The following CRYBG2 variants were observed in gnomAD, a reference collection of about 807,000 sequenced individuals.
CRYBG2 encodes beta/gamma crystallin domain-containing protein 2.
A neutral mutation model predicts 153.4 loss-of-function variants in CRYBG2; 106 were observed. The observed-to-expected ratio is 0.69, with a 90% CI of 0.59 to 0.81. CRYBG2 has a LOEUF of 0.81. CRYBG2 is among the 30% of genes least tolerant of loss of function. CRYBG2 has a pLI of 0.00. For missense variants in CRYBG2, 1,996 were observed against 2,112.0 expected (o/e 0.95, Z 1.08); for synonymous variants, 851 against 877.8 (o/e 0.97, Z 0.54).
Position 26,336,855 on chromosome 1 carries a change from G to T in CRYBG2, c.3897C>A (p.His1299Gln). Residue 1299 changes from histidine to glutamine, a missense_variant, in exon 11 of 20, where the codon CAC (histidine) becomes CAA (glutamine). His to Gln is a conservative substitution (Grantham distance 24, BLOSUM62 0). Transcript: ENST00000308182. The surrounding 1 kb of genome is among the most constrained non-coding windows in gnomAD (Gnocchi z 4.9). Reference sequence around the variant, plus strand: ...GGGTCACTTACACGCCGCTGAGCACGTGGATGGCCTGTGTGCTGGGGCCGT... The same window carrying T: ...GGGTCACTTACACGCCGCTGAGCACTTGGATGGCCTGTGTGCTGGGGCCGT... Reference protein sequence around the residue: ...VQHGPSTQAIHVLSGVWVAYQ... With the variant: ...VQHGPSTQAIQVLSGVWVAYQ... 1 of 1,600,894 alleles carries T rather than the reference G, an allele frequency of 6.2e-7. No individual in the cohort carries two copies.
In CRYBG2 at chr1:26,337,948, G is replaced by A. The variant is rs964130834; in HGVS notation, c.3507+64C>T. On this transcript the variant is annotated intron_variant, in intron 8 of 19. Coordinates refer to ENST00000308182, the MANE Select transcript of CRYBG2 (RefSeq NM_001039775.4). ...TCTCTGGATTTCCTGTCCAGACCAC[G>A]ATAACCAAACACCTGCACCCCGCCA... 34 of 1,579,234 alleles carry A rather than the reference G, an allele frequency of 2.2e-5. No homozygotes were observed. The African/African-American group carries it at 2.6e-4, about 12-fold the overall frequency.
At chr1:26,326,726 G>A (rs1311046193) in intron 17 of CRYBG2, 17 of 357,912 alleles carry the variant, frequency 4.7e-5, no homozygotes, top group Admixed American at 9.2e-5. Flanking sequence ...GCTTTCCTAC[G>A]GTACAGCCTC....
chr1:26,332,171 G>T (rs1239516713), intron 14 of CRYBG2, among the ~76,000 whole-genome samples: 1 of 151,938 alleles, frequency 6.6e-6, no homozygotes, highest in African/African-American at 2.4e-5. Flanking sequence ...GCCAGGCGTG[G>T]TGGCGGGCAC....
At position 26,345,136 on chromosome 1, in the gene CRYBG2, A is replaced by G; in HGVS notation, c.1522T>C (p.Ser508Pro). 8.9e-7 allele frequency: 1 copy of G among 1,122,008 alleles called. No individual in the cohort carries two copies. Among genetic ancestry groups the G allele is most frequent in the Non-Finnish European group, 1.2e-6 (1 of 828,014 alleles). The allele number at this position is 1,122,008 out of a possible 1,614,324, so 69.5% of individuals were successfully genotyped here. Residue 508 changes from serine to proline, a missense_variant, in exon 2 of 20, where the codon TCT becomes CCT. Physicochemically the swap from Ser to Pro is moderately conservative, Grantham distance 74. Transcript: ENST00000308182. Reference protein sequence around the residue: ...VKGPGAPAASSPTQKEVVQGS... With the variant: ...VKGPGAPAASPPTQKEVVQGS... ...TGCACCACCTCCTTCTGGGTGGGAG[A>G]TGAGGCAGCAGGAGCACCAGGGCCC...
chr1:26,336,923 C>G lies in CRYBG2; in HGVS notation c.3829G>C (p.Val1277Leu). ...FEAMDFEGHG[V>L]EVSKALPDVE... is the part of the protein sequence containing the mutation. ...TCCGGCAATGCCTTGCTCACCTCCA[C>G]GCCGTGCCCCTCGAAGTCCATGGCC... is the stretch of plus-strand genomic sequence containing the variant. The change falls in exon 11 of 20, where the codon GTG (valine) becomes CTG (leucine). Residue 1277 changes from valine (V) to leucine (L), a missense_variant. Physicochemically the swap from Val to Leu is conservative, Grantham distance 32. Transcript: ENST00000308182. This position sits in a 1 kb window ranked among gnomAD's most constrained non-coding sequence, Gnocchi z 4.9. 6.2e-7 allele frequency: 1 copy of G among 1,613,036 alleles called. No individual in the cohort carries two copies. Among genetic ancestry groups the G allele is most frequent in the Non-Finnish European group, 8.5e-7 (1 of 1,179,634 alleles).
At chr1:26,351,289 G>T (rs1045779852) in intron 1 of CRYBG2, among the ~76,000 whole-genome samples, 10 of 152,106 alleles carry the variant, frequency 6.6e-5, no homozygotes, top group Non-Finnish European at 8.8e-5. Context: ...TGACGCCCTC[G>T]CTGAGCACCT....
In CRYBG2 at chr1:26,344,554, G is replaced by C. The variant is rs944349431; in HGVS notation, c.2104C>G (p.Pro702Ala). 11 of 1,542,782 alleles carry C rather than the reference G, an allele frequency of 7.1e-6. No homozygotes were observed. The highest frequency in any genetic ancestry group is 2.0e-5 in the Admixed American group (1 of 50,978). Reference protein sequence around the residue: ...SLTQKEVVQDPDALPAPSSSV... With the variant: ...SLTQKEVVQDADALPAPSSSV... Reference sequence around the variant, plus strand: ...GAAGATGGGGCAGGGAGAGCATCAGGGTCCTGCACAACCTCTTTCTGGGTG... The same window carrying C: ...GAAGATGGGGCAGGGAGAGCATCAGCGTCCTGCACAACCTCTTTCTGGGTG... Residue 702 changes from proline (P) to alanine (A), a missense_variant, in exon 2 of 20, where the codon CCT becomes GCT. Coordinates refer to ENST00000308182, the MANE Select transcript of CRYBG2 (RefSeq NM_001039775.4).
At chr1:26,326,790 C>T (rs2073931990) in intron 17 of CRYBG2, 2 of 511,054 alleles carry the variant, frequency 3.9e-6, no homozygotes, top group African/African-American at 1.9e-5. Flanking sequence ...GACCTCTATA[C>T]CTACAAAGTT....
chr1:26,346,076 G>C lies in CRYBG2; in HGVS notation c.582C>G (p.Ser194Arg). Residue 194 changes from serine to arginine, a missense_variant, in exon 2 of 20, where the codon AGC (serine) becomes AGG (arginine). Physicochemically the swap from Ser to Arg is moderately radical, Grantham distance 110 (BLOSUM62 -1). Transcript: ENST00000308182. The surrounding 1 kb of genome is among the most constrained non-coding windows in gnomAD (Gnocchi z 4.9). ...AGGACACTGGCCTCACAGTCACAGA[G>C]CTGCTCATCCGCCGGTCCACATGAC... ...VGGHVDRRMSSSVTVRPVSSG... is the reference protein window; with the variant it reads ...VGGHVDRRMSRSVTVRPVSSG... 1 of 1,583,204 alleles carries C rather than the reference G, an allele frequency of 6.3e-7. No homozygotes were observed. The highest frequency in any genetic ancestry group is 1.1e-5 in the South Asian group (1 of 89,656).
intron 17 of CRYBG2, among the ~76,000 whole-genome samples, chr1:26,327,581 G>A (rs561479179): frequency 7.9e-4 from 120 of 151,726 alleles, no homozygotes; most frequent in Non-Finnish European, 1.3e-3. Flanking sequence ...TCTGGGAAGC[G>A]GAGGTTGCAG....
At position 26,346,147 on chromosome 1, in the gene CRYBG2, C is replaced by A; in HGVS notation, c.511G>T (p.Glu171Ter). ...LTSGSSRSLEEYRVTRTVRTT... is the reference protein window; with the variant it reads ...LTSGSSRSLE ...CGCACAGTGCGTGTCACTCGGTATTCCTCGAGGCTCCGGGAGCTACCACTG... is the reference window on the plus strand; with the variant it reads ...CGCACAGTGCGTGTCACTCGGTATTACTCGAGGCTCCGGGAGCTACCACTG... Residue 171 changes from glutamate (E) to a stop codon, truncating the protein, a stop_gained, in exon 2 of 20, where the codon GAA becomes TAA. Coordinates refer to ENST00000308182, the MANE Select transcript of CRYBG2 (RefSeq NM_001039775.4). LOFTEE classifies it high-confidence loss of function. This position sits in a 1 kb window ranked among gnomAD's most constrained non-coding sequence, Gnocchi z 4.9. 1 of 1,557,720 alleles carries A rather than the reference C, an allele frequency of 6.4e-7. No individual in the cohort carries two copies.
chr1:26,346,527 C>T lies in CRYBG2; in HGVS notation c.131G>A (p.Gly44Glu), dbSNP rs771558292. 1.2e-6 allele frequency: 2 copies of T among 1,613,402 alleles called. No individual in the cohort carries two copies. Among genetic ancestry groups the T allele is most frequent in the Admixed American group, 3.3e-5 (2 of 59,954 alleles). Residue 44 changes from glycine to glutamate, a missense_variant, in exon 2 of 20, where the codon GGG becomes GAG. By Grantham distance (98) the Gly-to-Glu change is moderately conservative (BLOSUM62 -2). Coordinates refer to ENST00000308182, the MANE Select transcript of CRYBG2 (RefSeq NM_001039775.4). The surrounding 1 kb of genome is among the most constrained non-coding windows in gnomAD (Gnocchi z 4.9). ...CTTCTGCGGGGCTTCCATCTGGGCC[C>T]CTGACACCAGGGACACCTTGTGAAA... The part of the protein sequence containing the change: ...HGFHKVSLVS[G>E]AQMEAPQKEM...
intron 5 of CRYBG2, among the ~76,000 whole-genome samples, chr1:26,340,964 A>G (rs1314030255): frequency 6.6e-6 from 1 of 151,928 alleles, no homozygotes; most frequent in African/African-American, 2.4e-5. Flanking sequence ...CCACTGTCCT[A>G]GTTAAGCCTA....
chr1:26,349,980 A>C (rs1444032265), intron 1 of CRYBG2, among the ~76,000 whole-genome samples: 2 of 151,586 alleles, frequency 1.3e-5, no homozygotes, highest in Non-Finnish European at 2.9e-5. Flanking sequence ...ATGCCTGGCT[A>C]ATTTTTGTAT....
chr1:26,328,833 C>G lies in CRYBG2; in HGVS notation c.4355G>C (p.Cys1452Ser), dbSNP rs142220577. 1 of 1,613,996 alleles carries G rather than the reference C, an allele frequency of 6.2e-7. No individual in the cohort carries two copies. Among genetic ancestry groups the G allele is most frequent in the African/African-American group, 1.3e-5 (1 of 74,900 alleles). The change falls in exon 16 of 20, where the codon TGC (cysteine) becomes TCC (serine). Residue 1452 changes from cysteine to serine, a missense_variant. By Grantham distance (112) the Cys-to-Ser change is moderately radical (BLOSUM62 -1). Coordinates refer to ENST00000308182, the MANE Select transcript of CRYBG2 (RefSeq NM_001039775.4). The part of the protein sequence containing the change: ...EPSIFLYGLE[C>S]FEGKEIELSR... ...GAGCTCGATCTCCTTCCCCTCGAAG[C>G]ACTCGAGTCCATACAGGAAAATGGA...
intron 14 of CRYBG2, among the ~76,000 whole-genome samples, chr1:26,333,045 A>AAAAAAAAAAAAAATC (rs2074016334): frequency 1.4e-5 from 2 of 138,736 alleles, no homozygotes; most frequent in African/African-American, 2.8e-5. Flanking sequence ...AAAAAAAAAA[A>AAAAAAAAAAAAAATC]AGATTTCTAA....
At position 26,343,272 on chromosome 1, in the gene CRYBG2, C is replaced by A. The variant is rs921884136; in HGVS notation, c.2935G>T (p.Gly979Cys). ...EGWSPALKTQ[G>C]KLNTRPGKVI... Reference sequence around the variant, plus strand: ...TTTCCAGGCCTGGTGTTCAGCTTGCCCTGGGTCTTTAAGGCTGGGCTCTGA... The same window carrying A: ...TTTCCAGGCCTGGTGTTCAGCTTGCACTGGGTCTTTAAGGCTGGGCTCTGA... The change falls in exon 3 of 20, where the codon GGC (glycine) becomes TGC (cysteine). Residue 979 changes from glycine to cysteine, a missense_variant. Gly to Cys is a radical substitution (Grantham distance 159). Coordinates refer to ENST00000308182, the MANE Select transcript of CRYBG2 (RefSeq NM_001039775.4). This position sits in a 1 kb window ranked among gnomAD's most constrained non-coding sequence, Gnocchi z 4.1. 1 of 1,550,346 alleles carries A rather than the reference C, an allele frequency of 6.5e-7. No homozygotes were observed. Among genetic ancestry groups the A allele is most frequent in the African/African-American group, 1.4e-5 (1 of 72,978 alleles).
At chr1:26,328,173 G>T in intron 17 of CRYBG2, 36 bp downstream of exon 17, 2 of 1,551,850 alleles carry the variant, frequency 1.3e-6, no homozygotes, top group Non-Finnish European at 1.7e-6. Context: ...GACACGCTCA[G>T]CCCCAGACAC....
At position 26,343,006 on chromosome 1, in the gene CRYBG2, A is replaced by T. The variant is rs1570198403; in HGVS notation, c.3074+41T>A. On this transcript the variant is annotated intron_variant, in intron 4 of 19. Transcript: ENST00000308182. This position sits in a 1 kb window ranked among gnomAD's most constrained non-coding sequence, Gnocchi z 4.1. ...TCCTCACTCCCCTCTGCATCCCCCC[A>T]GGTTCACAGCCAAGTGCCTTGCTGG... The T allele has an allele frequency of 4.6e-6, 7 of 1,535,372 alleles. No individual in the cohort carries two copies. The East Asian group carries it at 1.5e-4, about 32-fold the overall frequency.
Sources: gnomAD v4.1 joint callset for allele counts (sites outside exome capture counted in the v4.1 genomes callset) on GRCh38, gnomAD v4.1.1 for gene constraint, Gnocchi (gnomAD v3.1) non-coding constraint, MANE v1.5 for transcripts, NCBI Gene and HGNC (gene_info 2026-07-23, HGNC 2026-07-21) for gene names.